Variants in ATP6V0A4 observed in about 807,000 individuals in gnomAD.
ATP6V0A4 encodes V-type proton ATPase 116 kDa subunit a 4.
Under a neutral mutation model 107.3 loss-of-function variants are expected in ATP6V0A4, and 86 were observed. That is an observed-to-expected ratio of 0.80 (90% CI 0.67 to 0.96). The LOEUF (loss-of-function observed/expected upper bound fraction) is 0.96. Ranked by LOEUF, ATP6V0A4 falls within the 40% of genes least tolerant of loss-of-function variation. The pLI, the probability that ATP6V0A4 is intolerant of heterozygous loss-of-function variation, is 0.00. For missense variants in ATP6V0A4, 908 were observed against 1,045.6 expected, an observed-to-expected ratio of 0.87 and a Z score of 1.81; for synonymous variants, 353 against 381.4, an observed-to-expected ratio of 0.93 and a Z score of 0.87.
chr7:138,712,613 T>C (rs1456466697), intron 20 of ATP6V0A4, among the ~76,000 whole-genome samples: 1 of 152,144 alleles, frequency 6.6e-6, no homozygotes, highest in African/African-American at 2.4e-5. Flanking sequence ...TCCCCATTTT[T>C]CCACATTACC....
intron 15 of ATP6V0A4, among the ~76,000 whole-genome samples, chr7:138,737,171 T>C (rs1171031302): frequency 1.5e-5 from 2 of 135,440 alleles, no homozygotes; most frequent in Admixed American, 1.7e-4. Flanking sequence ...GGTTTGGTTG[T>C]GTCCCACCCA....
chr7:138,760,858 A>C (rs967713723), intron 7 of ATP6V0A4, among the ~76,000 whole-genome samples: 2 of 152,218 alleles, frequency 1.3e-5, no homozygotes, highest in African/African-American at 4.8e-5. Context: ...AATTTCACTT[A>C]GGCACTGAAC....
intron 18 of ATP6V0A4, among the ~76,000 whole-genome samples, chr7:138,723,730 T>C (rs1273990053): frequency 6.6e-6 from 1 of 151,836 alleles, no homozygotes; most frequent in Non-Finnish European, 1.5e-5. Flanking sequence ...TTCTCCATGC[T>C]GGCCAGGGTG....
rs779997571 is a variant in ATP6V0A4, at chr7:138,752,822, CTGTT to C, written c.828_831del (p.Thr277SerfsTer25). The C allele has an allele frequency of 3.7e-6, 6 of 1,613,960 alleles. No individual in the cohort carries two copies. The highest frequency in any genetic ancestry group is 5.1e-6 in the Non-Finnish European group (6 of 1,180,034). Reference sequence around the variant, plus strand: ...TGCAGCAGGCGCTGGCGGTGAGACTCTGTTTGTGTTATGACCTATACAAAAAACA... The same window carrying C: ...TGCAGCAGGCGCTGGCGGTGAGACTCTGTGTTATGACCTATACAAAAAACA... On this transcript the variant is annotated frameshift_variant, in exon 11 of 22. Coordinates refer to ENST00000310018, the MANE Select transcript of ATP6V0A4 (RefSeq NM_020632.3). LOFTEE classifies it high-confidence loss of function.
chr7:138,785,278 CTTT>C (rs67440202), intron 2 of ATP6V0A4, among the ~76,000 whole-genome samples: 26 of 131,614 alleles, frequency 2.0e-4, no homozygotes, highest in Admixed American at 3.2e-4. Context: ...TTTCTTTTTT[CTTT>C]TTTTTTTTTT....
rs530535000 is a variant in ATP6V0A4, at chr7:138,742,208, C to T, written c.1479-2575G>A. 7.2e-5 allele frequency among the ~76,000 whole-genome samples: 11 copies of T among 152,192 alleles called. No individual in the cohort carries two copies. The South Asian group carries it at 2.3e-3, about 32-fold the overall frequency. ...TTGGGAGGCCGAGGCAGGTGGATCA[C>T]CTGAGGTCAGGAGTTCAAGACCAGC... On this transcript the variant is annotated intron_variant, in intron 14 of 21. Coordinates refer to ENST00000310018, the MANE Select transcript of ATP6V0A4 (RefSeq NM_020632.3).
At chr7:138,778,491 C>G (rs1467389613) in intron 2 of ATP6V0A4, among the ~76,000 whole-genome samples, 3 of 151,868 alleles carry the variant, frequency 2.0e-5, no homozygotes, top group African/African-American at 7.3e-5. Flanking sequence ...ATCTAAAACA[C>G]TTCTGGTCTG....
intron 18 of ATP6V0A4, among the ~76,000 whole-genome samples, chr7:138,724,899 T>C (rs561846852): frequency 1.7e-4 from 26 of 152,176 alleles, no homozygotes; most frequent in Admixed American, 1.2e-3. Context: ...CTTACTAAAA[T>C]CGCACAATGC....
intron 15 of ATP6V0A4, among the ~76,000 whole-genome samples, chr7:138,737,115 A>ATATATATGAAT (rs540225443): frequency 1.2e-5 from 1 of 86,718 alleles, no homozygotes; most frequent in Non-Finnish European, 2.1e-5. Flanking sequence ...AGCCCTTATT[A>ATATATATGAAT]ATATATATAT....
chr7:138,746,146 A>G lies in ATP6V0A4; in HGVS notation c.1321-866T>C, dbSNP rs140573549. 1.7e-3 allele frequency among the ~76,000 whole-genome samples: 261 copies of G among 150,738 alleles called. 2 individuals are homozygous for G. The highest frequency in any genetic ancestry group is 6.1e-3 in the African/African-American group (251 of 40,960). ...TCTGCTTAGGAAGGGACTTGAAAGCAGGTGGCTGTTGTCTCAGGTGCTTCC... is the reference window on the plus strand; with the variant it reads ...TCTGCTTAGGAAGGGACTTGAAAGCGGGTGGCTGTTGTCTCAGGTGCTTCC... On this transcript the variant is annotated intron_variant, in intron 13 of 21. Transcript: ENST00000310018.
intron 18 of ATP6V0A4, among the ~76,000 whole-genome samples, chr7:138,724,870 G>A (rs963246997): frequency 6.6e-6 from 1 of 152,134 alleles, no homozygotes; most frequent in Non-Finnish European, 1.5e-5. Flanking sequence ...CTTCCTTCCA[G>A]ATACTTACTT....
At chr7:138,778,044 A>T (rs1440757055) in intron 2 of ATP6V0A4, among the ~76,000 whole-genome samples, 1 of 152,186 alleles carries the variant, frequency 6.6e-6, no homozygotes, top group Non-Finnish European at 1.5e-5. Context: ...AGGGAAAAAT[A>T]AAATTACCTT....
Position 138,732,893 on chromosome 7 carries a change from G to A in ATP6V0A4, c.1892C>T (p.Pro631Leu), listed in dbSNP as rs370658535. ...LFNYSDSSNA[P>L]LYKHQQEVQS... ...CAGAAATACCTGATGTTTGTAGAGG[G>A]GTGCGTTGGAAGAGTCACTGTAGTT... is the stretch of plus-strand genomic sequence containing the variant. Residue 631 changes from proline to leucine, a missense_variant, in exon 17 of 22, where the codon CCC (proline) becomes CTC (leucine). Pro to Leu is a moderately conservative substitution (Grantham distance 98). Transcript: ENST00000310018. The A allele has an allele frequency of 3.2e-5, 51 of 1,612,340 alleles. No homozygotes were observed. The highest frequency in any genetic ancestry group is 4.3e-5 in the Non-Finnish European group (51 of 1,178,990).
intron 13 of ATP6V0A4, among the ~76,000 whole-genome samples, chr7:138,746,033 T>TATAATATATATTATAAATATAA: frequency 7.0e-6 from 1 of 141,992 alleles, no homozygotes; most frequent in South Asian, 2.1e-4. Context: ...AATATATATT[T>TATAATATATATTATAAATATAA]ATAATATATA....
chr7:138,707,368 T>TATATATTTATATATATATTATATTATAC (rs1803495773), intron 21 of ATP6V0A4, among the ~76,000 whole-genome samples: 1 of 101,718 alleles, frequency 9.8e-6, no homozygotes, highest in African/African-American at 4.0e-5. Flanking sequence ...TTATATTATA[T>TATATATTTATATATATATTATATTATAC]ATATATTTAT....
chr7:138,776,122 A>AT (rs1231972400), intron 2 of ATP6V0A4, among the ~76,000 whole-genome samples: 1 of 152,158 alleles, frequency 6.6e-6, no homozygotes. Context: ...CAAGACTTGC[A>AT]TTTTTAATAA....
At chr7:138,724,774 T>C (rs1187863785) in intron 18 of ATP6V0A4, among the ~76,000 whole-genome samples, 2 of 152,224 alleles carry the variant, frequency 1.3e-5, no homozygotes, top group African/African-American at 2.4e-5. Context: ...TCTACCCTTT[T>C]CTGCTCATTA....
intron 11 of ATP6V0A4, among the ~76,000 whole-genome samples, chr7:138,751,430 T>C (rs915098373): frequency 6.6e-6 from 1 of 151,912 alleles, no homozygotes; most frequent in Non-Finnish European, 1.5e-5. Context: ...GGCCATCTTG[T>C]ACTATTTAGG....
rs149237727 is a variant in ATP6V0A4, at chr7:138,746,385, C to G, written c.1320+1040G>C. Among the ~76,000 whole-genome samples the G allele has an allele frequency of 1.0e-3, 158 of 152,200 alleles. 1 individual carries two copies. Among genetic ancestry groups the G allele is most frequent in the African/African-American group, 3.6e-3 (151 of 41,528 alleles). ...TCTGAAACTCAAAATGTTTACCATA[C>G]AAAATCATATCTTTAAGCTTGGCAT... On this transcript the variant is annotated intron_variant, in intron 13 of 21. Transcript: ENST00000310018.
Sources: allele counts gnomAD v4.1 joint callset (sites outside exome capture counted in the v4.1 genomes callset), GRCh38; gene constraint gnomAD v4.1.1; transcripts MANE v1.5; gene names NCBI Gene and HGNC (gene_info 2026-07-23, HGNC 2026-07-21).